DCUN1D5: variants seen among roughly 807,000 people sequenced by gnomAD.
DCUN1D5 encodes DCN1-like protein 5.
Under a neutral mutation model 38.3 loss-of-function variants are expected in DCUN1D5, and 10 were observed. That is an observed-to-expected ratio of 0.26 (90% confidence interval 0.16 to 0.44). The LOEUF (loss-of-function observed/expected upper bound fraction) is 0.44, where lower values mean the gene tolerates loss of function less well. DCUN1D5 is among the 20% of genes least tolerant of loss of function. The probability of loss-of-function intolerance (pLI) is 1.00; values close to 1 mark genes in which losing one functional copy is unlikely to be tolerated. For missense variants in DCUN1D5, 148 were observed against 275.3 expected (o/e 0.54, Z 3.27); for synonymous variants, 93 against 90.9 (o/e 1.02, Z -0.13).
At position 103,062,108 on chromosome 11, in the gene DCUN1D5, T is replaced by G. The variant is rs1366168899; in HGVS notation, c.*251A>C. The G allele has an allele frequency of 5.1e-6, 2 of 393,550 alleles. No homozygotes were observed. The highest frequency in any genetic ancestry group is 4.2e-5 in the African/African-American group (2 of 47,910). 24.4% of individuals were successfully genotyped at this position (393,550 alleles called of 1,614,324 possible). A position where few individuals can be genotyped will look rare whatever the true frequency, so the allele number is the denominator to read the frequency against. On this transcript the variant is annotated 3_prime_UTR_variant, in exon 8 of 8. Coordinates refer to ENST00000260247, the MANE Select transcript of DCUN1D5 (RefSeq NM_032299.4). This position sits in a 1 kb window ranked among gnomAD's most constrained non-coding sequence, Gnocchi z 4.6. Reference sequence around the variant, plus strand: ...AGGCCTTTGTCACAAATCTGAATCTTTATTGTTCTGAAATAAATGTTATAA... The same window carrying G: ...AGGCCTTTGTCACAAATCTGAATCTGTATTGTTCTGAAATAAATGTTATAA...
chr11:103,065,581 T>G lies in DCUN1D5; in HGVS notation c.555+688A>C, dbSNP rs996779785. ...TCTGTATTCAAGATATGGTGAGAACTATACCAATAACCCTAGAATTACAAA... is the reference window on the plus strand; with the variant it reads ...TCTGTATTCAAGATATGGTGAGAACGATACCAATAACCCTAGAATTACAAA... On this transcript the variant is annotated intron_variant, in intron 6 of 7. Transcript: ENST00000260247. This position sits in a 1 kb window ranked among gnomAD's most constrained non-coding sequence, Gnocchi z 4.6. Among the ~76,000 whole-genome samples the G allele has an allele frequency of 1.3e-5, 2 of 151,834 alleles. No homozygotes were observed. Among genetic ancestry groups the G allele is most frequent in the African/African-American group, 4.8e-5 (2 of 41,324 alleles).
chr11:103,060,340 CA>C lies in DCUN1D5; in HGVS notation c.*2018del, dbSNP rs1287363694. Among the ~76,000 whole-genome samples, 1 of 152,114 alleles carries C rather than the reference CA, an allele frequency of 6.6e-6. No homozygotes were observed. The highest frequency in any genetic ancestry group is 1.5e-5 in the Non-Finnish European group (1 of 68,034). The stretch of plus-strand genomic sequence containing the variant: ...TTAAAGGTATCTTTGGATAAGTATG[CA>C]AAGTAAATACTGTTGACCCTTGAAC... On this transcript the variant is annotated 3_prime_UTR_variant, in exon 8 of 8. Coordinates refer to ENST00000260247, the MANE Select transcript of DCUN1D5 (RefSeq NM_032299.4).
rs201814356 is a variant in DCUN1D5 at position 103,062,326 on chromosome 11, T to G, written c.*33A>C. 3,831 of 1,610,412 alleles carry G rather than the reference T, an allele frequency of 2.4e-3. 21 individuals are homozygous for G. The highest frequency in any genetic ancestry group is 2.8e-3 in the Non-Finnish European group (3,247 of 1,176,870). Reference sequence around the variant, plus strand: ...CATTAGCTTGTATACACGTGGGAATTGAAAGGTTTGCATTTTCTTCACATA... The same window carrying G: ...CATTAGCTTGTATACACGTGGGAATGGAAAGGTTTGCATTTTCTTCACATA... On this transcript the variant is annotated 3_prime_UTR_variant, in exon 8 of 8. Coordinates refer to ENST00000260247, the MANE Select transcript of DCUN1D5 (RefSeq NM_032299.4). This position sits in a 1 kb window ranked among gnomAD's most constrained non-coding sequence, Gnocchi z 4.6.
Position 103,087,491 on chromosome 11 carries a change from A to G in DCUN1D5, c.178+1736T>C, listed in dbSNP as rs780585469. Among the ~76,000 whole-genome samples, 25 of 152,172 alleles carry G rather than the reference A, an allele frequency of 1.6e-4. No homozygotes were observed. Among genetic ancestry groups the G allele is most frequent in the Non-Finnish European group, 3.2e-4 (22 of 68,032 alleles). Reference sequence around the variant, plus strand: ...GGCTGAAACCCCATTTCTACAAAAAATTTAAAAAATTAGCCAGGCGTGGTG... The same window carrying G: ...GGCTGAAACCCCATTTCTACAAAAAGTTTAAAAAATTAGCCAGGCGTGGTG... On this transcript the variant is annotated intron_variant, in intron 2 of 7. Transcript: ENST00000260247. The surrounding 1 kb of genome is among the most constrained non-coding windows in gnomAD (Gnocchi z 4.1).
At chr11:103,081,827 C>T (rs1157515557) in intron 4 of DCUN1D5, among the ~76,000 whole-genome samples, 1 of 151,980 alleles carries the variant, frequency 6.6e-6, no homozygotes, top group African/African-American at 2.4e-5. Context: ...GAATTACAAA[C>T]CATTAGCACT....
chr11:103,079,239 C>T (rs1310220869), intron 4 of DCUN1D5, among the ~76,000 whole-genome samples: 2 of 152,138 alleles, frequency 1.3e-5, no homozygotes, highest in African/African-American at 4.8e-5. Flanking sequence ...CAGCCCCATC[C>T]ATGGTAAAAC....
At chr11:103,081,048 T>C (rs1416784267) in intron 4 of DCUN1D5, among the ~76,000 whole-genome samples, 3 of 152,150 alleles carry the variant, frequency 2.0e-5, no homozygotes, top group Non-Finnish European at 4.4e-5. Flanking sequence ...TCAGTTTCTA[T>C]TCTTGTACGC....
Position 103,058,134 on chromosome 11 carries a change from G to A in DCUN1D5, c.*4225C>T, listed in dbSNP as rs1442151136. Reference sequence around the variant, plus strand: ...CTAACCTTACTATATAGTGTTACTAGATGTATTTTAAGGAATATTTAACAC... The same window carrying A: ...CTAACCTTACTATATAGTGTTACTAAATGTATTTTAAGGAATATTTAACAC... On this transcript the variant is annotated 3_prime_UTR_variant, in exon 8 of 8. Transcript: ENST00000260247. Among the ~76,000 whole-genome samples, 1 of 152,082 alleles carries A rather than the reference G, an allele frequency of 6.6e-6. No homozygotes were observed. Among genetic ancestry groups the A allele is most frequent in the Non-Finnish European group, 1.5e-5 (1 of 68,022 alleles).
At position 103,087,351 on chromosome 11, in the gene DCUN1D5, T is replaced by C. The variant is rs1862738770; in HGVS notation, c.178+1876A>G. Among the ~76,000 whole-genome samples, 1 of 151,964 alleles carries C rather than the reference T, an allele frequency of 6.6e-6. No individual in the cohort carries two copies. Among genetic ancestry groups the C allele is most frequent in the South Asian group, 2.1e-4 (1 of 4,808 alleles). Reference sequence around the variant, plus strand: ...ACGCCCGGCTAATTGTTTGTGTTTTTGGTAGAGAGAGTGTTTCACCATGTT... The same window carrying C: ...ACGCCCGGCTAATTGTTTGTGTTTTCGGTAGAGAGAGTGTTTCACCATGTT... On this transcript the variant is annotated intron_variant, in intron 2 of 7. Transcript: ENST00000260247. The surrounding 1 kb of genome is among the most constrained non-coding windows in gnomAD (Gnocchi z 4.1).
chr11:103,074,837 G>A (rs1030072313), intron 4 of DCUN1D5, among the ~76,000 whole-genome samples: 1 of 152,168 alleles, frequency 6.6e-6, no homozygotes, highest in African/African-American at 2.4e-5. Flanking sequence ...ATCTTAAAGG[G>A]TCTGATTCTC....
chr11:103,080,269 A>G (rs1334738749), intron 4 of DCUN1D5, among the ~76,000 whole-genome samples: 3 of 152,198 alleles, frequency 2.0e-5, no homozygotes, highest in Admixed American at 1.3e-4. Context: ...AAAGTATGAA[A>G]AATATCAGAG....
At chr11:103,088,327 A>T (rs894550521) in intron 2 of DCUN1D5, among the ~76,000 whole-genome samples, 14 of 151,940 alleles carry the variant, frequency 9.2e-5, no homozygotes, top group African/African-American at 3.4e-4. Flanking sequence ...GAAGCAGGTT[A>T]AAAAAAAGGA....
At chr11:103,090,140 A>G (rs1862820682) in intron 1 of DCUN1D5, among the ~76,000 whole-genome samples, 1 of 152,216 alleles carries the variant, frequency 6.6e-6, no homozygotes, top group South Asian at 2.1e-4. Flanking sequence ...ATTTAAATTG[A>G]TAGAGCAAAG....
At chr11:103,089,440 T>C (rs1224243960) in intron 1 of DCUN1D5, 122 bp from the exon 2 acceptor site, 2 of 832,424 alleles carry the variant, frequency 2.4e-6, no homozygotes, top group Non-Finnish European at 3.5e-6. Flanking sequence ...TCGGTTGGCA[T>C]TGTTGGAAAA....
chr11:103,091,995 A>G lies in DCUN1D5; in HGVS notation c.-123T>C. On this transcript the variant is annotated 5_prime_UTR_variant, in exon 1 of 8. Coordinates refer to ENST00000260247, the MANE Select transcript of DCUN1D5 (RefSeq NM_032299.4). This position sits in a 1 kb window ranked among gnomAD's most constrained non-coding sequence, Gnocchi z 4.3. ...CAGCAAGCGGAGGAGCAGAGTCGCC[A>G]GCCCGCACCGGCGCGGCCCAGCCCG... 1 of 904,460 alleles carries G rather than the reference A, an allele frequency of 1.1e-6. No individual in the cohort carries two copies. The highest frequency in any genetic ancestry group is 1.6e-6 in the Non-Finnish European group (1 of 615,436). The allele number at this position is 904,460 out of a possible 1,614,324, so 56.0% of individuals were successfully genotyped here.
At position 103,058,637 on chromosome 11, in the gene DCUN1D5, A is replaced by G. The variant is rs1861935274; in HGVS notation, c.*3722T>C. On this transcript the variant is annotated 3_prime_UTR_variant, in exon 8 of 8. Coordinates refer to ENST00000260247, the MANE Select transcript of DCUN1D5 (RefSeq NM_032299.4). Reference sequence around the variant, plus strand: ...AATAGGTTTACCTGGTTCTTACCAAATATTCCTGAAGTAATAAAACTATAT... The same window carrying G: ...AATAGGTTTACCTGGTTCTTACCAAGTATTCCTGAAGTAATAAAACTATAT... Among the ~76,000 whole-genome samples, 1 of 152,152 alleles carries G rather than the reference A, an allele frequency of 6.6e-6. No homozygotes were observed. Among genetic ancestry groups the G allele is most frequent in the Non-Finnish European group, 1.5e-5 (1 of 68,014 alleles).
At chr11:103,081,486 A>G (rs1047601712) in intron 4 of DCUN1D5, among the ~76,000 whole-genome samples, 6 of 152,224 alleles carry the variant, frequency 3.9e-5, no homozygotes, top group African/African-American at 1.4e-4. Flanking sequence ...GGCAGAATTC[A>G]GTCTTGGTAG....
intron 2 of DCUN1D5, among the ~76,000 whole-genome samples, chr11:103,085,281 T>C (rs904363197): frequency 1.2e-4 from 19 of 152,134 alleles, no homozygotes; most frequent in African/African-American, 4.6e-4. Flanking sequence ...CTACTAAAAC[T>C]ACAAAAATTA....
At position 103,073,768 on chromosome 11, in the gene DCUN1D5, A is replaced by G. The variant is rs913392351; in HGVS notation, c.342-7201T>C. On this transcript the variant is annotated intron_variant, in intron 4 of 7. Transcript: ENST00000260247. This position sits in a 1 kb window ranked among gnomAD's most constrained non-coding sequence, Gnocchi z 4.2. ...CAAATAATTCTTAGACTTGACATCA[A>G]AAGTACAATCAAAAGTACATCAAAA... is the stretch of plus-strand genomic sequence containing the variant. 1.1e-4 allele frequency among the ~76,000 whole-genome samples: 17 copies of G among 152,330 alleles called. No homozygotes were observed. In the East Asian group the frequency reaches 3.1e-3, roughly 28 times the overall value.
Sources: gnomAD v4.1 joint callset for allele counts (sites outside exome capture counted in the v4.1 genomes callset) on GRCh38, gnomAD v4.1.1 for gene constraint, Gnocchi (gnomAD v3.1) non-coding constraint, MANE v1.5 for transcripts, NCBI Gene and HGNC (gene_info 2026-07-23, HGNC 2026-07-21) for gene names.